ZFHX3: variants seen among roughly 807,000 people sequenced by gnomAD.
ZFHX3 encodes the protein zinc finger homeobox protein 3.
In ZFHX3, 42 loss-of-function variants were observed where a neutral mutation model predicts 279.1. The ratio of observed to expected loss-of-function variants is 0.15; its 90% CI spans 0.12 to 0.19. ZFHX3 has a LOEUF of 0.19. ZFHX3 is among the 10% of genes least tolerant of loss of function. The pLI, the probability that ZFHX3 is intolerant of heterozygous loss-of-function variation, is 1.00. For synonymous variants in ZFHX3, 2,293 were observed against 1,957.8 expected, an observed-to-expected ratio of 1.17 and a Z score of -4.52; for missense variants, 4,981 against 4,754.0, an observed-to-expected ratio of 1.05 and a Z score of -1.40.
At chr16:73,366,551 G>C (rs374026635) in intron 3 of ZFHX3, among the ~76,000 whole-genome samples, 8 of 144,652 alleles carry the variant, frequency 5.5e-5, no homozygotes, top group East Asian at 2.1e-4. Flanking sequence ...TGGCAATGTA[G>C]TGAGACCCTC....
chr16:73,891,237 TC>T (rs968864794), intron 1 of ZFHX3, among the ~76,000 whole-genome samples: 1 of 151,288 alleles, frequency 6.6e-6, no homozygotes, highest in Non-Finnish European at 1.5e-5. Flanking sequence ...TCCCCACCTC[TC>T]CCCCCAGCTC....
At chr16:72,802,486 ATATGTGTT>A (rs1365445900) in intron 7 of ZFHX3, among the ~76,000 whole-genome samples, 1 of 152,190 alleles carries the variant, frequency 6.6e-6, no homozygotes, top group Admixed American at 6.5e-5. Flanking sequence ...GTCTTGCCCC[ATATGTGTT>A]TAAGTAACTA....
chr16:72,897,308 G>A lies in ZFHX3; in HGVS notation c.3217-7346C>T, dbSNP rs189905278. Among the ~76,000 whole-genome samples, 323 of 152,324 alleles carry A rather than the reference G, an allele frequency of 2.1e-3. 3 individuals are homozygous for A. The highest frequency in any genetic ancestry group is 7.2e-3 in the African/African-American group (301 of 41,572). On this transcript the variant is annotated intron_variant, in intron 3 of 9. Transcript: ENST00000268489. ...CTAACAAACCTGGTGAGAGGGATGGGGAGAAGATGGGGACCAGTAAGTCTG... is the reference window on the plus strand; with the variant it reads ...CTAACAAACCTGGTGAGAGGGATGGAGAGAAGATGGGGACCAGTAAGTCTG...
At chr16:73,331,762 G>C (rs575408109) in intron 3 of ZFHX3, among the ~76,000 whole-genome samples, 1 of 152,184 alleles carries the variant, frequency 6.6e-6, no homozygotes, top group African/African-American at 2.4e-5. Context: ...CAGAGAATAT[G>C]TCAACATTTA....
At chr16:73,663,413 T>C (rs2052805185) in intron 2 of ZFHX3, among the ~76,000 whole-genome samples, 1 of 152,170 alleles carries the variant, frequency 6.6e-6, no homozygotes, top group Non-Finnish European at 1.5e-5. Context: ...ACCCTGCAGG[T>C]CTTGCCTGGT....
chr16:73,133,654 T>G (rs1467326760), intron 6 of ZFHX3, among the ~76,000 whole-genome samples: 3 of 152,200 alleles, frequency 2.0e-5, no homozygotes, highest in Non-Finnish European at 4.4e-5. Context: ...CACCTTGATC[T>G]TGGGCTTCTG....
chr16:73,600,793 G>T (rs1214442966), intron 2 of ZFHX3, among the ~76,000 whole-genome samples: 1 of 152,022 alleles, frequency 6.6e-6, no homozygotes, highest in Non-Finnish European at 1.5e-5. Flanking sequence ...CATAGGCTTA[G>T]CCTACCACTC....
chr16:73,188,304 C>G (rs550106462), intron 5 of ZFHX3, among the ~76,000 whole-genome samples: 13 of 152,354 alleles, frequency 8.5e-5, no homozygotes, highest in African/African-American at 1.2e-4. Flanking sequence ...CAGCGATCCT[C>G]CGGCCTCGGC....
At chr16:73,866,736 G>T (rs565639149) in intron 1 of ZFHX3, among the ~76,000 whole-genome samples, 2 of 152,336 alleles carry the variant, frequency 1.3e-5, no homozygotes, top group South Asian at 4.1e-4. Context: ...AACAGCACAG[G>T]TGCAGGGAGT....
intron 5 of ZFHX3, among the ~76,000 whole-genome samples, chr16:73,163,817 A>G (rs1967298649): frequency 6.6e-6 from 1 of 151,756 alleles, no homozygotes; most frequent in Admixed American, 6.6e-5. Flanking sequence ...AATATTTTAC[A>G]TAAATAAATA....
At chr16:73,784,689 G>C (rs1017907076) in intron 1 of ZFHX3, among the ~76,000 whole-genome samples, 5 of 151,766 alleles carry the variant, frequency 3.3e-5, no homozygotes, top group African/African-American at 1.2e-4. Context: ...AGAGGTTGCA[G>C]TGAGCCAAGA....
chr16:73,259,663 C>T (rs2013763141), intron 4 of ZFHX3, among the ~76,000 whole-genome samples: 1 of 152,094 alleles, frequency 6.6e-6, no homozygotes, highest in Non-Finnish European at 1.5e-5. Context: ...CATGTATTTT[C>T]TTTGAACGTA....
At chr16:72,839,256 G>T (rs929565912) in intron 4 of ZFHX3, among the ~76,000 whole-genome samples, 1 of 151,614 alleles carries the variant, frequency 6.6e-6, no homozygotes, top group Admixed American at 6.6e-5. Context: ...TCAGCGCGAC[G>T]ACAAAGGAGG....
intron 7 of ZFHX3, among the ~76,000 whole-genome samples, chr16:73,111,471 A>T (rs943010624): frequency 3.9e-5 from 6 of 152,270 alleles, no homozygotes; most frequent in Middle Eastern, 3.4e-3. Flanking sequence ...GTCTATAGGA[A>T]ATTGCACCAA....
At chr16:72,983,777 G>A (rs1233070038) in intron 1 of ZFHX3, among the ~76,000 whole-genome samples, 1 of 151,848 alleles carries the variant, frequency 6.6e-6, no homozygotes, top group Non-Finnish European at 1.5e-5. Context: ...CCAACCACAT[G>A]TCAAACACCA....
chr16:73,020,626 C>A (rs1964265389), intron 1 of ZFHX3, among the ~76,000 whole-genome samples: 1 of 152,198 alleles, frequency 6.6e-6, no homozygotes, highest in Non-Finnish European at 1.5e-5. Flanking sequence ...GTCATCGAAA[C>A]TGAAATCAAG....
intron 1 of ZFHX3, among the ~76,000 whole-genome samples, chr16:73,803,587 T>C (rs1267544793): frequency 6.6e-6 from 1 of 152,186 alleles, no homozygotes; most frequent in Non-Finnish European, 1.5e-5. Flanking sequence ...TAGAAGGATG[T>C]TTATTTAATT....
At chr16:73,771,149 A>G (rs1263618834) in intron 1 of ZFHX3, among the ~76,000 whole-genome samples, 2 of 152,200 alleles carry the variant, frequency 1.3e-5, no homozygotes, top group Non-Finnish European at 2.9e-5. Context: ...GAGATGATCA[A>G]TTCAGAAAGT....
chr16:73,097,815 A>G (rs1966184031), intron 7 of ZFHX3, among the ~76,000 whole-genome samples: 1 of 152,146 alleles, frequency 6.6e-6, no homozygotes, highest in South Asian at 2.1e-4. Context: ...ATTTCACATA[A>G]ATGGCGCTGT....
Sources: gnomAD v4.1 joint callset for allele counts (sites outside exome capture counted in the v4.1 genomes callset) on GRCh38, gnomAD v4.1.1 for gene constraint, MANE v1.5 for transcripts, NCBI Gene and HGNC (gene_info 2026-07-23, HGNC 2026-07-21) for gene names.